The following GPC6 variants were observed in gnomAD, a reference collection of about 807,000 sequenced individuals.
GPC6 encodes glypican-6.
Under a neutral mutation model 55.2 loss-of-function variants are expected in GPC6, and 14 were observed. That is an observed-to-expected ratio of 0.25 (90% CI 0.17 to 0.40). GPC6 has a LOEUF of 0.40. Ranked by LOEUF, GPC6 falls within the 10% of genes least tolerant of loss-of-function variation. The probability of loss-of-function intolerance (pLI) is 1.00; values close to 1 mark genes in which losing one functional copy is unlikely to be tolerated. For synonymous variants in GPC6, 278 were observed against 259.6 expected (o/e 1.07, Z -0.68); for missense variants, 641 against 708.5 (o/e 0.90, Z 1.08).
intron 4 of GPC6, among the ~76,000 whole-genome samples, chr13:94,086,230 A>G (rs912055332): frequency 2.0e-5 from 3 of 152,324 alleles, no homozygotes; most frequent in Non-Finnish European, 2.9e-5. Flanking sequence ...CATGCAGCCA[A>G]CAGCATTTGT....
Position 94,099,285 on chromosome 13 carries a change from T to G in GPC6, c.877+71391T>G, listed in dbSNP as rs114125945. The stretch of plus-strand genomic sequence containing the variant: ...AATAATAAGTAGCTTTAAGTAACAT[T>G]GTTATACTTGCTTCAGAAATAAAGA... On this transcript the variant is annotated intron_variant, in intron 4 of 8. Coordinates refer to ENST00000377047, the MANE Select transcript of GPC6 (RefSeq NM_005708.5). Among the ~76,000 whole-genome samples the G allele has an allele frequency of 6.4e-3, 978 of 152,300 alleles. 18 individuals carry two copies. Among genetic ancestry groups the G allele is most frequent in the African/African-American group, 0.023 (944 of 41,580 alleles).
chr13:94,027,410 C>A (rs1882942252), intron 3 of GPC6, among the ~76,000 whole-genome samples: 1 of 152,072 alleles, frequency 6.6e-6, no homozygotes, highest in South Asian at 2.1e-4. Context: ...TTTAATAATA[C>A]CTACGTTTTT....
chr13:93,276,900 A>G (rs890171948), intron 1 of GPC6, among the ~76,000 whole-genome samples: 2 of 152,192 alleles, frequency 1.3e-5, no homozygotes, highest in Non-Finnish European at 2.9e-5. Flanking sequence ...TGACTTGCAA[A>G]GAATTTCTAT....
At chr13:93,991,960 A>G (rs1881328515) in intron 3 of GPC6, among the ~76,000 whole-genome samples, 1 of 152,080 alleles carries the variant, frequency 6.6e-6, no homozygotes, top group African/African-American at 2.4e-5. Flanking sequence ...TTTCCATAAA[A>G]CTATATATAC....
chr13:93,813,226 A>C (rs998329602), intron 2 of GPC6, among the ~76,000 whole-genome samples: 1 of 152,114 alleles, frequency 6.6e-6, no homozygotes, highest in Non-Finnish European at 1.5e-5. Context: ...GACCAGCCTG[A>C]TCAACTTGGT....
At chr13:93,616,463 G>T (rs1451817776) in intron 2 of GPC6, among the ~76,000 whole-genome samples, 1 of 151,904 alleles carries the variant, frequency 6.6e-6, no homozygotes, top group African/African-American at 2.4e-5. Flanking sequence ...CTTTACATTC[G>T]GGGTAAAACA....
Position 94,286,385 on chromosome 13 carries a change from C to T in GPC6, c.914C>T (p.Pro305Leu), listed in dbSNP as rs1056604249. Residue 305 changes from proline (P) to leucine (L), a missense_variant, in exon 5 of 9, where the codon CCA becomes CTA. Coordinates refer to ENST00000377047, the MANE Select transcript of GPC6 (RefSeq NM_005708.5). ...MLLVAERLEG[P>L]FNIESVMDPI... is the part of the protein sequence containing the mutation. Reference sequence around the variant, plus strand: ...TTGGTGGCAGAGCGACTGGAGGGGCCATTCAACATTGAGTCGGTCATGGAC... The same window carrying T: ...TTGGTGGCAGAGCGACTGGAGGGGCTATTCAACATTGAGTCGGTCATGGAC... 2.5e-6 allele frequency: 4 copies of T among 1,613,534 alleles called. No individual in the cohort carries two copies. The African/African-American group carries it at 5.3e-5, about 22-fold the overall frequency.
chr13:93,627,236 G>A (rs1270370158), intron 2 of GPC6, among the ~76,000 whole-genome samples: 6 of 151,560 alleles, frequency 4.0e-5, no homozygotes, highest in Non-Finnish European at 8.8e-5. Flanking sequence ...TCCCACTTAT[G>A]AGTGAGAACA....
At chr13:93,485,229 G>A (rs1332650341) in intron 1 of GPC6, among the ~76,000 whole-genome samples, 1 of 152,136 alleles carries the variant, frequency 6.6e-6, no homozygotes, top group African/African-American at 2.4e-5. Flanking sequence ...AGCACAAAGG[G>A]GAGTCCCACA....
chr13:93,952,931 A>G (rs1173525613), intron 3 of GPC6, among the ~76,000 whole-genome samples: 1 of 149,392 alleles, frequency 6.7e-6, no homozygotes, highest in Non-Finnish European at 1.5e-5. Flanking sequence ...ACGTATATAT[A>G]TAGTCCTTGA....
chr13:93,870,756 A>C (rs1483053643), intron 3 of GPC6, among the ~76,000 whole-genome samples: 1 of 151,800 alleles, frequency 6.6e-6, no homozygotes, highest in Non-Finnish European at 1.5e-5. Context: ...GACAATCTAC[A>C]AGTCAAACTG....
chr13:94,049,836 G>A (rs1883876956), intron 4 of GPC6, among the ~76,000 whole-genome samples: 1 of 152,084 alleles, frequency 6.6e-6, no homozygotes, highest in African/African-American at 2.4e-5. Context: ...TTCAACTATA[G>A]TTCCCATAAT....
At chr13:93,294,119 T>C (rs1878402678) in intron 1 of GPC6, among the ~76,000 whole-genome samples, 1 of 152,196 alleles carries the variant, frequency 6.6e-6, no homozygotes, top group African/African-American at 2.4e-5. Context: ...AAATAGTGAA[T>C]TATTTTCTAT....
chr13:94,365,368 C>G (rs1197849712), intron 6 of GPC6, among the ~76,000 whole-genome samples: 2 of 152,102 alleles, frequency 1.3e-5, no homozygotes, highest in Non-Finnish European at 2.9e-5. Flanking sequence ...TTCCCTTAGG[C>G]TAAAATCTTT....
chr13:93,422,806 G>T (rs908672030), intron 1 of GPC6, among the ~76,000 whole-genome samples: 5 of 152,058 alleles, frequency 3.3e-5, no homozygotes, highest in Admixed American at 1.3e-4. Context: ...TTCCTCAAAG[G>T]TTTTCTCTGT....
intron 1 of GPC6, among the ~76,000 whole-genome samples, chr13:93,231,013 T>A (rs1378434620): frequency 2.6e-5 from 4 of 152,098 alleles, no homozygotes; most frequent in African/African-American, 7.2e-5. Context: ...ATATAGAATT[T>A]ACTATGTGCC....
chr13:93,980,977 C>G (rs1382376211), intron 3 of GPC6, among the ~76,000 whole-genome samples: 1 of 152,170 alleles, frequency 6.6e-6, no homozygotes, highest in Non-Finnish European at 1.5e-5. Flanking sequence ...TGACCAACAA[C>G]AGTGTATGCC....
chr13:94,002,148 A>G (rs1164231440), intron 3 of GPC6, among the ~76,000 whole-genome samples: 5 of 152,090 alleles, frequency 3.3e-5, no homozygotes, highest in Non-Finnish European at 7.4e-5. Context: ...GAAGATTTAC[A>G]TCTCAAAGAG....
At chr13:94,130,180 A>T (rs1310595443) in intron 4 of GPC6, among the ~76,000 whole-genome samples, 10 of 152,010 alleles carry the variant, frequency 6.6e-5, no homozygotes, top group African/African-American at 2.2e-4. Context: ...TTTAAAGTTT[A>T]TTTTTTTCTT....
Sources: allele counts gnomAD v4.1 joint callset (sites outside exome capture counted in the v4.1 genomes callset), GRCh38; gene constraint gnomAD v4.1.1; transcripts MANE v1.5; gene names NCBI Gene and HGNC (gene_info 2026-07-23, HGNC 2026-07-21).